The following SPATA6L variants were observed in gnomAD, a reference collection of about 807,000 sequenced individuals.
SPATA6L encodes the protein spermatogenesis associated 6 like, also known as spermatogenesis associated 6-like protein.
SPATA6L carries 68 observed loss-of-function variants against 49.2 expected under a neutral mutation model. That is an observed-to-expected ratio of 1.38 (90% confidence interval 1.14 to 1.69). The LOEUF (loss-of-function observed/expected upper bound fraction) is 1.69. SPATA6L is among the 40% of genes most tolerant of loss of function. The pLI is 0.00. For missense variants in SPATA6L, 668 were observed against 464.3 expected (o/e 1.44, Z -4.03); for synonymous variants, 198 against 165.7 (o/e 1.19, Z -1.50).
intron 1 of SPATA6L, among the ~76,000 whole-genome samples, chr9:4,665,918 T>C (rs1042102482): frequency 1.3e-5 from 2 of 152,132 alleles, no homozygotes; most frequent in African/African-American, 4.8e-5. Flanking sequence ...AAATAAATTC[T>C]ACCTGGACTT....
At chr9:4,606,657 CA>C (rs1825242595) in intron 9 of SPATA6L, among the ~76,000 whole-genome samples, 1 of 76,986 alleles carries the variant, frequency 1.3e-5, no homozygotes, top group African/African-American at 5.0e-5. Flanking sequence ...TCACCATCAT[CA>C]AAGACCAAAA....
chr9:4,620,505 C>T (rs1359068390), intron 7 of SPATA6L, among the ~76,000 whole-genome samples: 1 of 152,126 alleles, frequency 6.6e-6, no homozygotes, highest in Admixed American at 6.5e-5. Flanking sequence ...TAACAAGAGC[C>T]CCAGGTGATT....
At chr9:4,631,601 T>A (rs904092336) in intron 4 of SPATA6L, among the ~76,000 whole-genome samples, 3 of 150,402 alleles carry the variant, frequency 2.0e-5, no homozygotes, top group African/African-American at 7.4e-5. Flanking sequence ...AACAGCAAAA[T>A]ACACAAATAC....
Position 4,666,261 on chromosome 9 carries a change from G to A in SPATA6L, c.-11C>T, listed in dbSNP as rs1402124371. The A allele has an allele frequency of 1.2e-5, 19 of 1,614,028 alleles. No homozygotes were observed. The highest frequency in any genetic ancestry group is 8.3e-5 in the Admixed American group (5 of 60,008). Reference sequence around the variant, plus strand: ...CACCTCCAGAGGCATCGTTCCCTGCGTGGGCGAAAGGACTGGAATGAGAAG... The same window carrying A: ...CACCTCCAGAGGCATCGTTCCCTGCATGGGCGAAAGGACTGGAATGAGAAG... On this transcript the variant is annotated 5_prime_UTR_variant, in exon 1 of 12. It adds an upstream start codon to the 5' untranslated region. Coordinates refer to ENST00000682582, the MANE Select transcript of SPATA6L (RefSeq NM_001353486.2).
At chr9:4,609,520 T>A (rs2130220049) in intron 9 of SPATA6L, among the ~76,000 whole-genome samples, 1 of 152,138 alleles carries the variant, frequency 6.6e-6, no homozygotes, top group African/African-American at 2.4e-5. Flanking sequence ...TAATCCAGCA[T>A]ATAAACAGAA....
intron 1 of SPATA6L, 32 bp downstream of exon 1, chr9:4,666,180 G>A (rs1286580881): frequency 1.9e-6 from 3 of 1,612,476 alleles, no homozygotes; most frequent in Non-Finnish European, 1.7e-6. Context: ...TCCGACTTGA[G>A]GTTAAGGAGG....
chr9:4,640,481 A>G (rs1316419056), intron 3 of SPATA6L, among the ~76,000 whole-genome samples: 1 of 152,240 alleles, frequency 6.6e-6, no homozygotes, highest in African/African-American at 2.4e-5. Flanking sequence ...ATGAAAAGGT[A>G]ACAATTCAGC....
chr9:4,662,394 A>C lies in SPATA6L; in HGVS notation c.40-358T>G, dbSNP rs34250374. 2 of 1,533,122 alleles carry C rather than the reference A, an allele frequency of 1.3e-6. No homozygotes were observed. Among genetic ancestry groups the C allele is most frequent in the East Asian group, 4.9e-5 (2 of 41,140 alleles). 95.0% of individuals were successfully genotyped at this position (1,533,122 alleles called of 1,614,324 possible). A position where few individuals can be genotyped will look rare whatever the true frequency, so the allele number is the denominator to read the frequency against. ...AGCTGCGATGCCAAGTCCCCGGAGG[A>C]GCATGGAGGGACGGCCGCTGGGCGT... On this transcript the variant is annotated intron_variant, in intron 1 of 11. Coordinates refer to ENST00000682582, the MANE Select transcript of SPATA6L (RefSeq NM_001353486.2). The surrounding 1 kb of genome is among the most constrained non-coding windows in gnomAD (Gnocchi z 4.9).
Position 4,662,228 on chromosome 9 carries a change from C to T in SPATA6L, c.40-192G>A, listed in dbSNP as rs1839967200. ...TCACATTGGAAATTCCAACTCCCTC[C>T]CACGTCTCCACCAGGTGTCACAATC... On this transcript the variant is annotated intron_variant, in intron 1 of 11. Coordinates refer to ENST00000682582, the MANE Select transcript of SPATA6L (RefSeq NM_001353486.2). The surrounding 1 kb of genome is among the most constrained non-coding windows in gnomAD (Gnocchi z 4.9). The T allele has an allele frequency of 1.4e-6, 2 of 1,434,524 alleles. No individual in the cohort carries two copies. Among genetic ancestry groups the T allele is most frequent in the Non-Finnish European group, 1.8e-6 (2 of 1,099,472 alleles). The allele number at this position is 1,434,524 out of a possible 1,614,324, so 88.9% of individuals were successfully genotyped here.
At chr9:4,655,930 A>C in intron 3 of SPATA6L, 111 bp downstream of exon 3, 1 of 845,368 alleles carries the variant, frequency 1.2e-6, no homozygotes, top group Non-Finnish European at 1.8e-6. Flanking sequence ...TCTTGAAATA[A>C]ATATTCATCA....
At position 4,655,845 on chromosome 9, in the gene SPATA6L, C is replaced by A. The variant is rs1207971734; in HGVS notation, c.226+196G>T. Among the ~76,000 whole-genome samples the A allele has an allele frequency of 2.6e-5, 4 of 152,052 alleles. No individual in the cohort carries two copies. In the East Asian group the frequency reaches 7.7e-4, roughly 29 times the overall value. Reference sequence around the variant, plus strand: ...GGATTACAGATGTGAGCCACCGTGCCCAGCCAAGCCCATCTATATATAGAA... The same window carrying A: ...GGATTACAGATGTGAGCCACCGTGCACAGCCAAGCCCATCTATATATAGAA... On this transcript the variant is annotated intron_variant, in intron 3 of 11. Coordinates refer to ENST00000682582, the MANE Select transcript of SPATA6L (RefSeq NM_001353486.2).
chr9:4,661,474 AG>A (rs1400013285), intron 2 of SPATA6L, among the ~76,000 whole-genome samples: 1 of 151,346 alleles, frequency 6.6e-6, no homozygotes, highest in Non-Finnish European at 1.5e-5. Flanking sequence ...TTTTTGTTAC[AG>A]GATTTTAGTT....
chr9:4,625,067 A>T, intron 6 of SPATA6L: 2 of 421,526 alleles, frequency 4.7e-6, no homozygotes, highest in Admixed American at 4.2e-5. Context: ...TAGGCATTAT[A>T]CTCTGTTAAT....
At position 4,600,133 on chromosome 9, in the gene SPATA6L, T is replaced by A. The variant is rs1165059587; in HGVS notation, c.*678A>T. 6.6e-6 allele frequency among the ~76,000 whole-genome samples: 1 copy of A among 152,196 alleles called. No homozygotes were observed. Among genetic ancestry groups the A allele is most frequent in the African/African-American group, 2.4e-5 (1 of 41,450 alleles). ...TATTTGAGGAAGGTTTTGTTCCTCA[T>A]CTAAATTTACAAAGAATTGCTGGAA... On this transcript the variant is annotated 3_prime_UTR_variant, in exon 12 of 12. Coordinates refer to ENST00000682582, the MANE Select transcript of SPATA6L (RefSeq NM_001353486.2).
intron 13 of SPATA6L, among the ~76,000 whole-genome samples, chr9:4,590,666 G>T (rs1722161317): frequency 6.6e-6 from 1 of 152,180 alleles, no homozygotes; most frequent in Admixed American, 6.5e-5. Context: ...CCAGCAGCCT[G>T]CAGCTGGGAA....
At chr9:4,643,433 AG>A (rs1834500721) in intron 3 of SPATA6L, among the ~76,000 whole-genome samples, 1 of 152,218 alleles carries the variant, frequency 6.6e-6, no homozygotes, top group Non-Finnish European at 1.5e-5. Flanking sequence ...CCAGTTTAAA[AG>A]GCATGGTTCA....
intron 3 of SPATA6L, among the ~76,000 whole-genome samples, chr9:4,653,286 T>C (rs1344906855): frequency 6.6e-6 from 1 of 152,186 alleles, no homozygotes; most frequent in African/African-American, 2.4e-5. Context: ...CAAATGGTGC[T>C]AAAACAAATG....
rs1271724743 is a variant in SPATA6L at position 4,648,631 on chromosome 9, C to G, written c.226+7410G>C. Among the ~76,000 whole-genome samples, 16 of 151,808 alleles carry G rather than the reference C, an allele frequency of 1.1e-4. No homozygotes were observed. In the East Asian group the frequency reaches 2.9e-3, roughly 28 times the overall value. Reference sequence around the variant, plus strand: ...AGGAGAATGGCGTGAACCCGGGAGGCAGAGCTTGCAGTGAGCCGAGATTGC... The same window carrying G: ...AGGAGAATGGCGTGAACCCGGGAGGGAGAGCTTGCAGTGAGCCGAGATTGC... On this transcript the variant is annotated intron_variant, in intron 3 of 11. Coordinates refer to ENST00000682582, the MANE Select transcript of SPATA6L (RefSeq NM_001353486.2).
At chr9:4,611,748 T>A (rs543250646) in intron 9 of SPATA6L, among the ~76,000 whole-genome samples, 145 of 151,910 alleles carry the variant, frequency 9.5e-4, no homozygotes, top group African/African-American at 3.4e-3. Context: ...TGTATACATA[T>A]GTAACTAACC....
Sources: allele counts gnomAD v4.1 joint callset (sites outside exome capture counted in the v4.1 genomes callset), GRCh38; gene constraint gnomAD v4.1.1; non-coding constraint Gnocchi (gnomAD v3.1); transcripts MANE v1.5; gene names NCBI Gene and HGNC (gene_info 2026-07-23, HGNC 2026-07-21).